The following WDR17 variants were observed in gnomAD, a reference collection of about 807,000 sequenced individuals.
The protein encoded by WDR17 is WD repeat-containing protein 17.
In WDR17, 143 loss-of-function variants were observed where a neutral mutation model predicts 161.7. That is an observed-to-expected ratio of 0.88 (90% CI 0.77 to 1.02). The LOEUF is 1.02. WDR17 is among the 50% of genes least tolerant of loss of function. The probability of loss-of-function intolerance (pLI) is 0.00; values close to 1 mark genes in which losing one functional copy is unlikely to be tolerated. For missense variants in WDR17, 1,469 were observed against 1,520.9 expected (o/e 0.97, Z 0.57); for synonymous variants, 517 against 515.6 (o/e 1.00, Z -0.04).
intron 4 of WDR17, among the ~76,000 whole-genome samples, 191 bp downstream of exon 4, chr4:176,120,288 T>TTTTA (rs1554023204): frequency 2.9e-5 from 4 of 136,516 alleles, no homozygotes; most frequent in African/African-American, 1.1e-4. Context: ...ATTTGAAGTT[T>TTTTA]TATATATATA....
At chr4:176,169,440 CAGTT>C (rs1450414400) in intron 23 of WDR17, among the ~76,000 whole-genome samples, 1 of 152,026 alleles carries the variant, frequency 6.6e-6, no homozygotes, top group East Asian at 1.9e-4. Context: ...GGCTATGAAA[CAGTT>C]AAATAGAAAG....
intron 18 of WDR17, among the ~76,000 whole-genome samples, chr4:176,156,563 A>C (rs1748156817): frequency 6.6e-6 from 1 of 152,090 alleles, no homozygotes; most frequent in Admixed American, 6.5e-5. Flanking sequence ...TGAGGGAGGC[A>C]CTGATGATAA....
intron 1 of WDR17, among the ~76,000 whole-genome samples, chr4:176,072,107 T>C (rs915785961): frequency 1.3e-5 from 2 of 152,240 alleles, no homozygotes; most frequent in African/African-American, 4.8e-5. Context: ...TTTTGTCTTC[T>C]AAGCTTTTAA....
At chr4:176,168,908 G>C in intron 23 of WDR17, 125 bp downstream of exon 23, 1 of 1,042,726 alleles carries the variant, frequency 9.6e-7, no homozygotes. Context: ...GTACCTACAA[G>C]TACAACAAAA....
chr4:176,179,795 T>G lies in WDR17; in HGVS notation c.*216T>G, dbSNP rs1051428261. 4.1e-5 allele frequency: 9 copies of G among 221,588 alleles called. No homozygotes were observed. The highest frequency in any genetic ancestry group is 5.9e-5 in the Non-Finnish European group (7 of 117,694). The allele number at this position is 221,588 out of a possible 1,614,324, so 13.7% of individuals were successfully genotyped here. A position where few individuals can be genotyped will look rare whatever the true frequency, so the allele number is the denominator to read the frequency against. On this transcript the variant is annotated 3_prime_UTR_variant, in exon 29 of 29. Coordinates refer to ENST00000508596, the MANE Select transcript of WDR17 (RefSeq NM_181265.4). The stretch of plus-strand genomic sequence containing the variant: ...TAGGTGCCTCCTTTATAAACAGTAA[T>G]AGCTACGTTTGGGAAGGAGGAAACA...
At chr4:176,070,702 G>T (rs1473982864) in intron 1 of WDR17, among the ~76,000 whole-genome samples, 8 of 150,572 alleles carry the variant, frequency 5.3e-5, no homozygotes, top group Admixed American at 4.6e-4. Context: ...TTTACTTTTC[G>T]TAGAGAAGAC....
intron 17 of WDR17, among the ~76,000 whole-genome samples, chr4:176,155,015 T>C (rs1747840950): frequency 6.6e-6 from 1 of 151,998 alleles, no homozygotes; most frequent in Non-Finnish European, 1.5e-5. Flanking sequence ...AATGAAGAAA[T>C]GACAATAAGT....
intron 7 of WDR17, among the ~76,000 whole-genome samples, chr4:176,132,069 T>G (rs1203737780): frequency 1.3e-5 from 2 of 152,096 alleles, no homozygotes; most frequent in African/African-American, 4.8e-5. Flanking sequence ...TGCCAGTTGC[T>G]CAAAGCCTTA....
chr4:176,154,547 GTTGT>G (rs936449750), intron 17 of WDR17, among the ~76,000 whole-genome samples: 53 of 152,072 alleles, frequency 3.5e-4, no homozygotes, highest in Admixed American at 3.2e-3. Flanking sequence ...TCTTAGGAAT[GTTGT>G]TTATTTTTTT....
At chr4:176,139,854 A>C in intron 9 of WDR17, 38 bp from the exon 10 acceptor site, 2 of 1,513,328 alleles carry the variant, frequency 1.3e-6, no homozygotes, top group South Asian at 2.4e-5. Context: ...AAAGGGGTGA[A>C]TTATTTCTTA....
At chr4:176,078,517 A>G (rs962510267) in intron 1 of WDR17, among the ~76,000 whole-genome samples, 1 of 152,124 alleles carries the variant, frequency 6.6e-6, no homozygotes, top group South Asian at 2.1e-4. Context: ...ATCTGCTAGA[A>G]ATGCTATTTT....
intron 4 of WDR17, among the ~76,000 whole-genome samples, chr4:176,121,089 G>A (rs938297219): frequency 2.0e-5 from 3 of 152,002 alleles, no homozygotes; most frequent in Non-Finnish European, 2.9e-5. Context: ...CTTTGTACAC[G>A]TCCTCTGTTG....
At chr4:176,101,070 C>T (rs1737745979) in intron 1 of WDR17, among the ~76,000 whole-genome samples, 1 of 152,036 alleles carries the variant, frequency 6.6e-6, no homozygotes, top group African/African-American at 2.4e-5. Flanking sequence ...GCTATTTGTG[C>T]TCTTGTTTGG....
intron 5 of WDR17, among the ~76,000 whole-genome samples, chr4:176,126,127 A>G: frequency 6.6e-6 from 1 of 152,218 alleles, no homozygotes; most frequent in East Asian, 1.9e-4. Flanking sequence ...ACAATGTTGC[A>G]TTGGGGATAA....
intron 1 of WDR17, among the ~76,000 whole-genome samples, chr4:176,071,838 G>A (rs900070301): frequency 6.6e-6 from 1 of 152,202 alleles, no homozygotes; most frequent in African/African-American, 2.4e-5. Context: ...ATGGAGGAAA[G>A]TATAAAAATA....
At chr4:176,120,381 CT>C (rs1305307209) in intron 4 of WDR17, among the ~76,000 whole-genome samples, 3 of 149,248 alleles carry the variant, frequency 2.0e-5, no homozygotes, top group Non-Finnish European at 4.4e-5. Context: ...TCATTTTTCC[CT>C]TATTTGTATT....
intron 23 of WDR17, among the ~76,000 whole-genome samples, chr4:176,170,833 G>A (rs1458804791): frequency 2.0e-5 from 3 of 152,172 alleles, no homozygotes; most frequent in South Asian, 2.1e-4. Context: ...AATTTCACAA[G>A]TACAGATGCT....
chr4:176,146,293 G>A (rs1275925173), intron 12 of WDR17, 134 bp downstream of exon 12: 3 of 905,456 alleles, frequency 3.3e-6, no homozygotes, highest in African/African-American at 3.4e-5. Flanking sequence ...GAATGCAGTG[G>A]CGTGATCGTG....
At chr4:176,112,742 G>C (rs897486045) in intron 2 of WDR17, among the ~76,000 whole-genome samples, 1 of 152,000 alleles carries the variant, frequency 6.6e-6, no homozygotes, top group Non-Finnish European at 1.5e-5. Flanking sequence ...TCATTTATTA[G>C]GAGTCTTTCC....
Sources: gnomAD v4.1 joint callset for allele counts (sites outside exome capture counted in the v4.1 genomes callset) on GRCh38, gnomAD v4.1.1 for gene constraint, MANE v1.5 for transcripts, NCBI Gene and HGNC (gene_info 2026-07-23, HGNC 2026-07-21) for gene names.